Variants in LZIC observed in about 807,000 individuals in gnomAD.
LZIC encodes the protein leucine zipper and CTNNBIP1 domain containing.
Under a neutral mutation model 25.4 loss-of-function variants are expected in LZIC, and 28 were observed. The observed-to-expected ratio is 1.10, with a 90% CI of 0.82 to 1.51. The LOEUF (loss-of-function observed/expected upper bound fraction) is 1.51, where lower values mean the gene tolerates loss of function less well. Among genes scored for constraint, LZIC ranks in the 40% most tolerant of loss-of-function variants. The pLI is 0.00. For synonymous variants in LZIC, 65 were observed against 70.7 expected (o/e 0.92, Z 0.40); for missense variants, 170 against 211.1 (o/e 0.81, Z 1.21).
At chr1:9,940,355 T>C (rs1640659276) in intron 2 of LZIC, among the ~76,000 whole-genome samples, 1 of 151,982 alleles carries the variant, frequency 6.6e-6, no homozygotes, top group African/African-American at 2.4e-5. Flanking sequence ...TTTTTTTGTA[T>C]TTTTTAGTAG....
intron 6 of LZIC, 104 bp from the exon 7 acceptor site, chr1:9,932,076 T>G: frequency 2.6e-6 from 1 of 391,456 alleles, no homozygotes; most frequent in Non-Finnish European, 4.4e-6. Context: ...GGCTCACGCC[T>G]GTAATCCCTG....
intron 1 of LZIC, 163 bp from the exon 2 acceptor site, chr1:9,942,945 G>T (rs1411428721): frequency 8.5e-6 from 3 of 354,506 alleles, no homozygotes; most frequent in South Asian, 6.4e-5. Context: ...TCTTCCTAGC[G>T]AGGCCGAGAG....
chr1:9,923,921 T>C (rs975405933), downstream of LZIC, among the ~76,000 whole-genome samples: 1 of 151,626 alleles, frequency 6.6e-6, no homozygotes, highest in African/African-American at 2.4e-5. Context: ...CCCGGCTAAT[T>C]TTTGTATTTT....
At chr1:9,925,775 A>G (rs1304161943), downstream of LZIC, among the ~76,000 whole-genome samples, 1 of 150,384 alleles carries the variant, frequency 6.6e-6, no homozygotes, top group Non-Finnish European at 1.5e-5. Context: ...TCTTTAGTAG[A>G]GACAGGGTTT....
chr1:9,926,250 T>C (rs1014762150), downstream of LZIC, among the ~76,000 whole-genome samples: 4 of 152,152 alleles, frequency 2.6e-5, no homozygotes, highest in Non-Finnish European at 5.9e-5. Context: ...CATTCACTGG[T>C]CTTAGCAATA....
chr1:9,940,354 A>G (rs1640659142), intron 2 of LZIC, among the ~76,000 whole-genome samples: 1 of 151,630 alleles, frequency 6.6e-6, no homozygotes, highest in Admixed American at 6.6e-5. Context: ...TTTTTTTTGT[A>G]TTTTTTAGTA....
chr1:9,930,090 A>G lies in LZIC; in HGVS notation c.*309T>C, dbSNP rs1246826840. 17 of 1,105,542 alleles carry G rather than the reference A, an allele frequency of 1.5e-5. No homozygotes were observed. Among genetic ancestry groups the G allele is most frequent in the Non-Finnish European group, 1.7e-5 (15 of 903,738 alleles). The allele number at this position is 1,105,542 out of a possible 1,614,324, so 68.5% of individuals were successfully genotyped here. ...TCTTTTCGTTCACTATCAACACTTA[A>G]AAACAAACAGCCTTAATAAAAATCA... On this transcript the variant is annotated 3_prime_UTR_variant, in exon 8 of 8. Coordinates refer to ENST00000377223, the MANE Select transcript of LZIC (RefSeq NM_032368.5).
intron 2 of LZIC, among the ~76,000 whole-genome samples, chr1:9,938,630 C>T (rs539085751): frequency 4.6e-5 from 7 of 152,094 alleles, no homozygotes; most frequent in African/African-American, 1.7e-4. Flanking sequence ...ATGGCTCATG[C>T]AGCTTTGACC....
At chr1:9,924,313 A>G (rs111855102), downstream of LZIC, among the ~76,000 whole-genome samples, 10,279 of 151,840 alleles carry the variant, frequency 0.068, 413 homozygotes, top group Middle Eastern at 0.17. Context: ...TTATTTGGGG[A>G]AAAAAAAGGC....
chr1:9,933,657 C>T (rs1435956439), intron 5 of LZIC, among the ~76,000 whole-genome samples: 4 of 151,952 alleles, frequency 2.6e-5, no homozygotes, highest in Non-Finnish European at 5.9e-5. Context: ...TGTAATCCCA[C>T]CACTTTGGAA....
In LZIC at chr1:9,928,713, T is replaced by C. The variant is rs779058819; in HGVS notation, c.*1686A>G. 1.3e-4 allele frequency among the ~76,000 whole-genome samples: 20 copies of C among 151,754 alleles called. No individual in the cohort carries two copies. The highest frequency in any genetic ancestry group is 2.5e-4 in the Non-Finnish European group (17 of 67,948). ...ACATGGTGAAACCCTGTCTCTATAC[T>C]AAAGGTACAAAAATTAGCTGGGCGT... On this transcript the variant is annotated 3_prime_UTR_variant, in exon 8 of 8. Coordinates refer to ENST00000377223, the MANE Select transcript of LZIC (RefSeq NM_032368.5).
chr1:9,936,396 A>G (rs1042865185), intron 3 of LZIC, 123 bp downstream of exon 3: 9 of 647,210 alleles, frequency 1.4e-5, no homozygotes, highest in Non-Finnish European at 2.2e-5. Context: ...TCTCTAATAG[A>G]CAAAGCACTG....
chr1:9,943,067 GT>G (rs1314367667), intron 1 of LZIC, 181 bp downstream of exon 1: 1 of 273,318 alleles, frequency 3.7e-6, no homozygotes, highest in Admixed American at 4.2e-5. Context: ...AGTGAGGAGG[GT>G]TTGGCCCAGA....
downstream of LZIC, chr1:9,922,367 C>G: frequency 1.0e-6 from 1 of 966,322 alleles, no homozygotes; most frequent in Non-Finnish European, 1.2e-6. Context: ...TCCTGGGGAG[C>G]GAAAGTGAAC....
chr1:9,930,938 C>T (rs1432175459), intron 7 of LZIC, among the ~76,000 whole-genome samples: 1 of 151,854 alleles, frequency 6.6e-6, no homozygotes, highest in African/African-American at 2.4e-5. Flanking sequence ...GGGCTGGTCT[C>T]GAACTCCTGA....
At chr1:9,932,144 G>C in intron 6 of LZIC, 172 bp from the exon 7 acceptor site, 1 of 513,994 alleles carries the variant, frequency 1.9e-6, no homozygotes, top group South Asian at 2.3e-5. Flanking sequence ...AGCAGTTTGA[G>C]ACCAGCCTGG....
At chr1:9,923,518 CTTTTTTTTT>C (rs60858066), downstream of LZIC, among the ~76,000 whole-genome samples, 11 of 74,170 alleles carry the variant, frequency 1.5e-4, no homozygotes, top group African/African-American at 4.5e-4. Flanking sequence ...CCCAATGCTT[CTTTTTTTTT>C]TTTTTTTTTT....
downstream of LZIC, among the ~76,000 whole-genome samples, chr1:9,925,741 C>T (rs940635172): frequency 5.3e-5 from 8 of 151,974 alleles, no homozygotes; most frequent in Non-Finnish European, 1.0e-4. Flanking sequence ...AGGCACACGC[C>T]ACCACACCTG....
At chr1:9,940,100 C>CA (rs1640642183) in intron 2 of LZIC, among the ~76,000 whole-genome samples, 1 of 151,650 alleles carries the variant, frequency 6.6e-6, no homozygotes, top group South Asian at 2.1e-4. Context: ...GCCTGGGAGA[C>CA]AGAGTGAGAC....
Sources: allele counts gnomAD v4.1 joint callset (sites outside exome capture counted in the v4.1 genomes callset), GRCh38; gene constraint gnomAD v4.1.1; transcripts MANE v1.5; gene names NCBI Gene and HGNC (gene_info 2026-07-23, HGNC 2026-07-21).